Variants in NKAP observed in about 807,000 individuals in gnomAD.
NKAP encodes the protein NF-kappa-B-activating protein.
Under a neutral mutation model 35.6 loss-of-function variants are expected in NKAP, and 4 were observed. The observed-to-expected ratio is 0.11, with a 90% confidence interval of 0.06 to 0.26. NKAP has a LOEUF of 0.26. NKAP is among the 10% of genes least tolerant of loss of function. NKAP has a pLI of 1.00. For synonymous variants in NKAP, 106 were observed against 119.2 expected, an observed-to-expected ratio of 0.89 and a Z score of 0.72; for missense variants, 238 against 321.9, an observed-to-expected ratio of 0.74 and a Z score of 1.99.
chrX:119,922,949 ACCTGTAATC>A lies in NKAP; in HGVS notation c.*2262_*2270del, dbSNP rs2056694072. 1.8e-5 allele frequency: 2 copies of A among 109,861 alleles called. No homozygotes were observed. The highest frequency in any genetic ancestry group is 7.7e-4 in the South Asian group (2 of 2,588). 9.1% of individuals were successfully genotyped at this position (109,861 alleles called of 1,213,427 possible). On this transcript the variant is annotated 3_prime_UTR_variant, in exon 9 of 9. Transcript: ENST00000371410. ...AAAACGGCCAGGCACGGTTGCTCAC[ACCTGTAATC>A]CCAGCATTTCAGGAGGCTGAGGCGG...
intron 8 of NKAP, among the ~76,000 whole-genome samples, chrX:119,929,812 G>A (rs1186131312): frequency 8.9e-6 from 1 of 112,171 alleles, no homozygotes; most frequent in Non-Finnish European, 1.9e-5. Context: ...AGATATAGCT[G>A]AGTTTGAGGC....
At chrX:119,925,935 T>TTC (rs34383154) in intron 8 of NKAP, among the ~76,000 whole-genome samples, 1,494 of 74,554 alleles carry the variant, frequency 0.02, 43 homozygotes, top group African/African-American at 0.069. Flanking sequence ...TTTTCTTTTT[T>TTC]TTTTTTTTTT....
chrX:119,940,705 T>A (rs777433142), intron 1 of NKAP, among the ~76,000 whole-genome samples: 1 of 112,414 alleles, frequency 8.9e-6, no homozygotes, highest in South Asian at 3.6e-4. Context: ...ATTATAACTA[T>A]GCAGAGTCAG....
Position 119,920,696 on chromosome X carries a change from T to TC in NKAP, c.*4523_*4524insG. On this transcript the variant is annotated 3_prime_UTR_variant, in exon 9 of 9. Coordinates refer to ENST00000371410, the MANE Select transcript of NKAP (RefSeq NM_024528.4). ...GTCAAACCACAGAATATTTATTGAG[T>TC]AATAAACTTGTGGCACACAATCCAG... The TC allele has an allele frequency of 1.4e-6, 1 of 690,084 alleles. No homozygotes were observed. The highest frequency in any genetic ancestry group is 2.1e-6 in the Non-Finnish European group (1 of 474,557). 56.9% of individuals were successfully genotyped at this position (690,084 alleles called of 1,213,427 possible).
chrX:119,937,959 G>A (rs2056774671), intron 2 of NKAP: 3 of 112,523 alleles, frequency 2.7e-5, no homozygotes, highest in South Asian at 3.6e-4. Flanking sequence ...CAGAAACAGA[G>A]AGGGAAGAAG....
At chrX:119,936,715 G>A in intron 2 of NKAP, 33 bp from the exon 3 acceptor site, 1 of 1,055,247 alleles carries the variant, frequency 9.5e-7, no homozygotes, top group African/African-American at 1.9e-5. Flanking sequence ...TAAGAATTAG[G>A]AAAGTGATGA....
At chrX:119,932,370 G>A in intron 5 of NKAP, 154 bp from the exon 6 acceptor site, 1 of 371,116 alleles carries the variant, frequency 2.7e-6, no homozygotes, top group Non-Finnish European at 4.6e-6. Flanking sequence ...TGAATTCCCA[G>A]CTTATTCAAA....
rs757523569 is a variant in NKAP at position 119,927,061 on chromosome X, CAAAAA to C, written c.1074-1672_1074-1668del. 2.7e-4 allele frequency among the ~76,000 whole-genome samples: 9 copies of C among 33,289 alleles called. No homozygotes were observed. The East Asian group carries it at 0.01, about 39-fold the overall frequency. 28.9% of individuals were successfully genotyped at this position (33,289 alleles called of 115,157 possible). On this transcript the variant is annotated intron_variant, in intron 8 of 8. Transcript: ENST00000371410. Reference sequence around the variant, plus strand: ...GGGAGACAAGAGTGAAACTAGGTCTCAAAAAAAAAAAAAAAAAAAAAAGAACCAAG... The same window carrying C: ...GGGAGACAAGAGTGAAACTAGGTCTCAAAAAAAAAAAAAAAAAGAACCAAG...
At chrX:119,941,903 AC>A (rs1321892992) in intron 1 of NKAP, among the ~76,000 whole-genome samples, 3 of 112,208 alleles carry the variant, frequency 2.7e-5, no homozygotes, top group African/African-American at 9.7e-5. Flanking sequence ...TGTTGGGATT[AC>A]AGGCATGAGC....
intron 8 of NKAP, among the ~76,000 whole-genome samples, chrX:119,925,929 C>CTTTCTTT (rs2056709345): frequency 2.2e-5 from 1 of 46,434 alleles, no homozygotes; most frequent in Admixed American, 2.7e-4. Context: ...ATCCTTTTTT[C>CTTTCTTT]TTTTTTTTTT....
chrX:119,929,123 T>G (rs1353200620), intron 8 of NKAP, among the ~76,000 whole-genome samples: 5 of 111,283 alleles, frequency 4.5e-5, no homozygotes, highest in Non-Finnish European at 9.4e-5. Context: ...CTTGAACTCC[T>G]GGACTCAAGT....
chrX:119,933,894 T>G (rs1210227323), intron 5 of NKAP, among the ~76,000 whole-genome samples: 1 of 110,493 alleles, frequency 9.1e-6, no homozygotes. Context: ...TGAGCCGAGA[T>G]CGCGCCACTG....
intron 5 of NKAP, among the ~76,000 whole-genome samples, chrX:119,933,194 C>CA (rs757150208): frequency 1.8e-5 from 2 of 110,832 alleles, no homozygotes; most frequent in Non-Finnish European, 3.8e-5. Context: ...GTCATTAAAA[C>CA]AAAAAAAATC....
intron 8 of NKAP, among the ~76,000 whole-genome samples, chrX:119,927,283 CA>C (rs772697572): frequency 5.8e-4 from 63 of 108,068 alleles, no homozygotes; most frequent in African/African-American, 1.0e-4. Context: ...ATTGATCTGA[CA>C]TGCTATCTCT....
rs765861266 is a variant in NKAP at position 119,943,478 on chromosome X, C to A, written c.128G>T (p.Arg43Leu). ...CCCGGACCGAGAGCAAGAGTGCGAG[C>A]GAGAGCGGCGGCCCCGCGGGGAGCG... Reference protein sequence around the residue: ...SARSPRGRRSRSHSCSRSGDR... With the variant: ...SARSPRGRRSLSHSCSRSGDR... Residue 43 changes from arginine to leucine, a missense_variant, in exon 1 of 9, where the codon CGC becomes CTC. Arg to Leu is a moderately radical substitution (Grantham distance 102). Coordinates refer to ENST00000371410, the MANE Select transcript of NKAP (RefSeq NM_024528.4). The A allele has an allele frequency of 1.7e-6, 2 of 1,211,310 alleles. No homozygotes were observed. Among genetic ancestry groups the A allele is most frequent in the East Asian group, 3.0e-5 (1 of 33,784 alleles).
Position 119,920,826 on chromosome X carries a change from C to T in NKAP, c.*4394G>A. ...TTTTCTAAAGTATTTTTTTCTATCACTATATGTATCACTTCTGAGTCTTAC... is the reference window on the plus strand; with the variant it reads ...TTTTCTAAAGTATTTTTTTCTATCATTATATGTATCACTTCTGAGTCTTAC... On this transcript the variant is annotated 3_prime_UTR_variant, in exon 9 of 9. Coordinates refer to ENST00000371410, the MANE Select transcript of NKAP (RefSeq NM_024528.4). 2 of 253,108 alleles carry T rather than the reference C, an allele frequency of 7.9e-6. No homozygotes were observed. The highest frequency in any genetic ancestry group is 1.6e-4 in the South Asian group (2 of 12,635). The allele number at this position is 253,108 out of a possible 1,213,427, so 20.9% of individuals were successfully genotyped here.
chrX:119,929,694 G>A (rs1309988728), intron 8 of NKAP, among the ~76,000 whole-genome samples: 1 of 111,559 alleles, frequency 9.0e-6, no homozygotes, highest in Non-Finnish European at 1.9e-5. Flanking sequence ...ATTCCTCATG[G>A]GGCAGTGATA....
chrX:119,935,395 T>A (rs926408993), intron 4 of NKAP, among the ~76,000 whole-genome samples: 11 of 111,511 alleles, frequency 9.9e-5, no homozygotes, highest in Non-Finnish European at 1.9e-4. Context: ...GTTTTCAGAT[T>A]ACAGAGGATG....
intron 7 of NKAP, among the ~76,000 whole-genome samples, chrX:119,930,664 C>A (rs1157160004): frequency 3.6e-5 from 4 of 110,299 alleles, no homozygotes; most frequent in Non-Finnish European, 7.6e-5. Context: ...ACTAAAAATA[C>A]AAAATTAGCC....
Sources: gnomAD v4.1 joint callset for allele counts (sites outside exome capture counted in the v4.1 genomes callset) on GRCh38, gnomAD v4.1.1 for gene constraint, MANE v1.5 for transcripts, NCBI Gene and HGNC (gene_info 2026-07-23, HGNC 2026-07-21) for gene names.